Variants in NOVA2 observed in about 807,000 individuals in gnomAD.
NOVA2 encodes NOVA alternative splicing regulator 2, also known as RNA-binding protein Nova-2.
NOVA2 carries 9 observed loss-of-function variants against 22.5 expected under a neutral mutation model. The observed-to-expected ratio is 0.40, with a 90% CI of 0.24 to 0.70. The LOEUF (loss-of-function observed/expected upper bound fraction) is 0.70. NOVA2 is among the 30% of genes least tolerant of loss of function. The probability of loss-of-function intolerance (pLI) is 0.38; values close to 1 mark genes in which losing one functional copy is unlikely to be tolerated. For missense variants in NOVA2, 383 were observed against 682.8 expected (o/e 0.56, Z 4.89); for synonymous variants, 318 against 335.2 (o/e 0.95, Z 0.56).
chr19:45,972,436 C>A (rs1269464870), intron 1 of NOVA2, among the ~76,000 whole-genome samples: 1 of 152,084 alleles, frequency 6.6e-6, no homozygotes, highest in Non-Finnish European at 1.5e-5. Context: ...CAGAGCCAGC[C>A]CATTCGGTGT....
Position 45,973,297 on chromosome 19 carries a change from C to T in NOVA2, c.55G>A (p.Val19Met). ...GTGTTGCTGCGCTTGGTGCAGACCA[C>T]CTCGGGGGGCGTTTCGAGGGGCCTC... Reference protein sequence around the residue: ...RKRPLETPPEVVCTKRSNTGE... With the variant: ...RKRPLETPPEMVCTKRSNTGE... Residue 19 changes from valine (V) to methionine (M), a missense_variant, in exon 1 of 4, where the codon GTG becomes ATG. Val to Met is a conservative substitution (Grantham distance 21, BLOSUM62 1). Around this residue, in one of 2 missense-constraint regions of NOVA2, gnomAD observed 349 missense variants for 578.1 expected, o/e 0.60. Coordinates refer to ENST00000263257, the MANE Select transcript of NOVA2 (RefSeq NM_002516.4). The T allele has an allele frequency of 1.5e-6, 2 of 1,346,508 alleles. No homozygotes were observed. Among genetic ancestry groups the T allele is most frequent in the Non-Finnish European group, 1.9e-6 (2 of 1,040,992 alleles). The allele number at this position is 1,346,508 out of a possible 1,614,324, so 83.4% of individuals were successfully genotyped here.
chr19:45,973,383 T>C lies in NOVA2; in HGVS notation c.-32A>G, dbSNP rs1302548714. ...GGCCTGGGGCGGCGGCTGCTGCTGCTGCGGCGGCTGCGGCGGCGGCGGCGG... is the reference window on the plus strand; with the variant it reads ...GGCCTGGGGCGGCGGCTGCTGCTGCCGCGGCGGCTGCGGCGGCGGCGGCGG... On this transcript the variant is annotated 5_prime_UTR_variant, in exon 1 of 4. Transcript: ENST00000263257. 4 of 594,794 alleles carry C rather than the reference T, an allele frequency of 6.7e-6. No homozygotes were observed. The highest frequency in any genetic ancestry group is 2.1e-5 in the African/African-American group (1 of 46,520). The allele number at this position is 594,794 out of a possible 1,614,324, so 36.8% of individuals were successfully genotyped here. A position where few individuals can be genotyped will look rare whatever the true frequency, so the allele number is the denominator to read the frequency against.
rs1163674540 is a variant in NOVA2, at chr19:45,938,024, G to A, written c.*1839C>T. 6.6e-6 allele frequency: 1 copy of A among 152,184 alleles called. No homozygotes were observed. Among genetic ancestry groups the A allele is most frequent in the Admixed American group, 6.5e-5 (1 of 15,282 alleles). The allele number at this position is 152,184 out of a possible 1,614,324, so 9.4% of individuals were successfully genotyped here. ...ACCTAGGAGGCGGACAAATGGGGGA[G>A]AGGGTGGGCATGGGGCGCCCCTCCC... On this transcript the variant is annotated 3_prime_UTR_variant, in exon 4 of 4. Transcript: ENST00000263257.
chr19:45,954,694 C>T (rs1355287202), intron 2 of NOVA2, among the ~76,000 whole-genome samples: 3 of 151,494 alleles, frequency 2.0e-5, no homozygotes, highest in African/African-American at 7.3e-5. Flanking sequence ...TCTCCAGATA[C>T]TGGCTGTGGC....
At chr19:45,965,763 G>A (rs2063535280) in intron 1 of NOVA2, among the ~76,000 whole-genome samples, 1 of 152,126 alleles carries the variant, frequency 6.6e-6, no homozygotes, top group Non-Finnish European at 1.5e-5. Context: ...GCCACTGATG[G>A]GCTCTATGCC....
In NOVA2 at chr19:45,953,860, T is replaced by G. The variant is rs1306602754; in HGVS notation, c.316A>C (p.Ile106Leu). ...TCAGGCTTGGTCATCGCTTGTGGGA[T>G]TTCTCGGACCTTCTCGGCAATAAAG... ...HSFIAEKVRE[I>L]PQAMTKPEVV... The change falls in exon 3 of 4, where the codon ATC becomes CTC. Residue 106 changes from isoleucine to leucine, a missense_variant. Physicochemically the swap from Ile to Leu is conservative, Grantham distance 5. Coordinates refer to ENST00000263257, the MANE Select transcript of NOVA2 (RefSeq NM_002516.4). 1 of 1,614,082 alleles carries G rather than the reference T, an allele frequency of 6.2e-7. No individual in the cohort carries two copies. The highest frequency in any genetic ancestry group is 1.3e-5 in the African/African-American group (1 of 74,942).
In NOVA2 at chr19:45,964,901, T is replaced by G. The variant is rs374860310; in HGVS notation, c.86-3748A>C. On this transcript the variant is annotated intron_variant, in intron 1 of 3. Coordinates refer to ENST00000263257, the MANE Select transcript of NOVA2 (RefSeq NM_002516.4). ...AAGATGAAAGTTCTGTGTTCCCTTA[T>G]GTGTGTAAGATGGGGGTGTGGTAAG... 8.7e-4 allele frequency among the ~76,000 whole-genome samples: 132 copies of G among 152,200 alleles called. 4 individuals are homozygous for G. In the South Asian group the frequency reaches 0.025, roughly 29 times the overall value.
At chr19:45,955,905 C>T (rs1288173964) in intron 2 of NOVA2, among the ~76,000 whole-genome samples, 1 of 152,046 alleles carries the variant, frequency 6.6e-6, no homozygotes, top group East Asian at 1.9e-4. Flanking sequence ...CTTGAGTGTG[C>T]ACCAGGCACC....
At chr19:45,949,154 T>A (rs185209596) in intron 3 of NOVA2, among the ~76,000 whole-genome samples, 36 of 151,770 alleles carry the variant, frequency 2.4e-4, no homozygotes, top group Non-Finnish European at 2.6e-4. Flanking sequence ...GAATGGTGAG[T>A]GACTGCTCAT....
At chr19:45,972,093 C>T (rs1389347530) in intron 1 of NOVA2, among the ~76,000 whole-genome samples, 6 of 152,122 alleles carry the variant, frequency 3.9e-5, no homozygotes, top group Non-Finnish European at 7.4e-5. Context: ...ATTTCACACA[C>T]ACACCTCTCC....
At position 45,940,481 on chromosome 19, in the gene NOVA2, T is replaced by G. The variant is rs28742045; in HGVS notation, c.861A>C (p.Ala287=). 1,072,538 of 1,530,170 alleles carry G rather than the reference T, an allele frequency of 0.7. 378,245 individuals are homozygous for G. The highest frequency in any genetic ancestry group is 0.81 in the African/African-American group (55,960 of 69,282). The allele number at this position is 1,530,170 out of a possible 1,614,324, so 94.8% of individuals were successfully genotyped here. ...LAISTALNTL[A]SYGYNTNSLG... ...GGGAGTTGGTGTTGTAGCCGTAACT[T>G]GCCAGCGTGTTAAGCGCCGTGCTGA... is the stretch of plus-strand genomic sequence containing the variant. The change falls in exon 4 of 4, where the codon GCA becomes GCC. Residue 287 remains alanine, a synonymous_variant. Coordinates refer to ENST00000263257, the MANE Select transcript of NOVA2 (RefSeq NM_002516.4).
chr19:45,957,949 T>A (rs1021570747), intron 2 of NOVA2, among the ~76,000 whole-genome samples: 2 of 150,622 alleles, frequency 1.3e-5, no homozygotes, highest in Admixed American at 6.6e-5. Context: ...TACAAAAACA[T>A]AAAAATAAAA....
intron 1 of NOVA2, among the ~76,000 whole-genome samples, chr19:45,972,914 G>A (rs1968251684): frequency 6.6e-6 from 1 of 151,698 alleles, no homozygotes; most frequent in Non-Finnish European, 1.5e-5. Flanking sequence ...GCCAGGACAC[G>A]CGAGCTCGGG....
intron 3 of NOVA2, among the ~76,000 whole-genome samples, chr19:45,945,598 C>A (rs1207020645): frequency 1.3e-5 from 2 of 152,080 alleles, no homozygotes; most frequent in African/African-American, 2.4e-5. Context: ...AGCCCCCATA[C>A]TGGGCCTAGA....
chr19:45,970,438 C>T (rs1158409096), intron 1 of NOVA2, among the ~76,000 whole-genome samples: 2 of 150,058 alleles, frequency 1.3e-5, no homozygotes, highest in Admixed American at 1.3e-4. Context: ...TGTGGTGGTG[C>T]GATCTCGGCT....
intron 1 of NOVA2, 105 bp from the exon 2 acceptor site, chr19:45,961,258 A>C: frequency 1.5e-6 from 1 of 661,666 alleles, no homozygotes; most frequent in South Asian, 1.9e-5. Flanking sequence ...AGTATGGAGA[A>C]TAATACAAAT....
intron 3 of NOVA2, among the ~76,000 whole-genome samples, chr19:45,943,122 C>T (rs1205777708): frequency 6.7e-6 from 1 of 150,024 alleles, no homozygotes; most frequent in Non-Finnish European, 1.5e-5. Flanking sequence ...GGTGCGATCT[C>T]GGCTCACTGC....
Position 45,940,796 on chromosome 19 carries a change from G to C in NOVA2, c.546C>G (p.Val182=). The C allele has an allele frequency of 6.2e-7, 1 of 1,607,174 alleles. No individual in the cohort carries two copies. Among genetic ancestry groups the C allele is most frequent in the Non-Finnish European group, 8.5e-7 (1 of 1,179,906 alleles). ...TGTGCACCTGCTCGGGCTCGCCGCTGACCGTCACCACGCGCTCCTGCAGGT... is the reference window on the plus strand; with the variant it reads ...TGTGCACCTGCTCGGGCTCGCCGCTCACCGTCACCACGCGCTCCTGCAGGT... ...GINLQERVVT[V]SGEPEQVHKA... The change falls in exon 4 of 4, where the codon GTC becomes GTG. Residue 182 remains valine, a synonymous_variant. Coordinates refer to ENST00000263257, the MANE Select transcript of NOVA2 (RefSeq NM_002516.4).
chr19:45,972,177 T>C (rs1380757946), intron 1 of NOVA2, among the ~76,000 whole-genome samples: 2 of 151,744 alleles, frequency 1.3e-5, no homozygotes, highest in African/African-American at 4.8e-5. Flanking sequence ...TCCTTCCTTC[T>C]CCTTTTTACA....
Sources: gnomAD v4.1 joint callset for allele counts (sites outside exome capture counted in the v4.1 genomes callset) on GRCh38, gnomAD v4.1.1 for gene constraint, gnomAD v4.1.1 regional missense constraint, MANE v1.5 for transcripts, NCBI Gene and HGNC (gene_info 2026-07-23, HGNC 2026-07-21) for gene names.